The following CYS1 variants were observed in gnomAD, a reference collection of about 807,000 sequenced individuals.
The protein encoded by CYS1 is cystin 1.
Under a neutral mutation model 9.6 loss-of-function variants are expected in CYS1, and 5 were observed. The ratio of observed to expected loss-of-function variants is 0.52; its 90% confidence interval spans 0.27 to 1.10. The LOEUF (loss-of-function observed/expected upper bound fraction) is 1.10, where lower values mean the gene tolerates loss of function less well. CYS1 is among the 50% of genes least tolerant of loss of function. The pLI, the probability that CYS1 is intolerant of heterozygous loss-of-function variation, is 0.11. For missense variants in CYS1, 221 were observed against 207.9 expected, an observed-to-expected ratio of 1.06 and a Z score of -0.39; for synonymous variants, 88 against 95.7, an observed-to-expected ratio of 0.92 and a Z score of 0.47.
At position 10,065,997 on chromosome 2, in the gene CYS1, AC is replaced by A; in HGVS notation, c.319-42del. The A allele has an allele frequency of 3.1e-6, 5 of 1,611,650 alleles. No homozygotes were observed. In the South Asian group the frequency reaches 4.4e-5, roughly 14 times the overall value. On this transcript the variant is annotated intron_variant, in intron 1 of 2. Transcript: ENST00000381813. Reference sequence around the variant, plus strand: ...ATGAAGAGACATTCAAAGATTGTCAACAGTGCAGCCTGCCTAAGGCTTTGGC... The same window carrying A: ...ATGAAGAGACATTCAAAGATTGTCAAAGTGCAGCCTGCCTAAGGCTTTGGC...
chr2:10,064,207 G>C (rs1031587976), intron 2 of CYS1, among the ~76,000 whole-genome samples: 3 of 151,886 alleles, frequency 2.0e-5, no homozygotes, highest in Non-Finnish European at 2.9e-5. Flanking sequence ...TGGATGACAA[G>C]AGCAAAACTC....
At chr2:10,064,590 C>A (rs1661669454) in intron 2 of CYS1, among the ~76,000 whole-genome samples, 1 of 152,142 alleles carries the variant, frequency 6.6e-6, no homozygotes, top group Non-Finnish European at 1.5e-5. Flanking sequence ...ACACTTTAAT[C>A]CTCCCTCCCC....
chr2:10,068,290 G>C (rs540020558), intron 1 of CYS1, among the ~76,000 whole-genome samples: 20 of 152,280 alleles, frequency 1.3e-4, no homozygotes, highest in African/African-American at 4.6e-4. Context: ...GGTGATCCTA[G>C]TAACTAAGAT....
At chr2:10,062,559 C>A (rs1349607878) in intron 2 of CYS1, among the ~76,000 whole-genome samples, 1 of 152,152 alleles carries the variant, frequency 6.6e-6, no homozygotes, top group Non-Finnish European at 1.5e-5. Context: ...TGCCACCACT[C>A]CCGACTAATT....
chr2:10,076,626 G>A lies in CYS1; in HGVS notation c.318+3280C>T, dbSNP rs990677263. Among the ~76,000 whole-genome samples the A allele has an allele frequency of 1.3e-5, 2 of 152,236 alleles. No homozygotes were observed. Among genetic ancestry groups the A allele is most frequent in the East Asian group, 3.9e-4 (2 of 5,180 alleles). ...TAAGCACCTTCCTCCCTTGGCTTCC[G>A]GATGTTCTCTTGGTTTTCTCCCCTT... On this transcript the variant is annotated intron_variant, in intron 1 of 2. Transcript: ENST00000381813. The surrounding 1 kb of genome is among the most constrained non-coding windows in gnomAD (Gnocchi z 4.3).
In CYS1 at chr2:10,063,607, G is replaced by A. The variant is rs565200576; in HGVS notation, c.371+2297C>T. Among the ~76,000 whole-genome samples the A allele has an allele frequency of 6.6e-6, 1 of 152,264 alleles. No individual in the cohort carries two copies. Among genetic ancestry groups the A allele is most frequent in the African/African-American group, 2.4e-5 (1 of 41,546 alleles). On this transcript the variant is annotated intron_variant, in intron 2 of 2. Coordinates refer to ENST00000381813, the MANE Select transcript of CYS1 (RefSeq NM_001037160.3). The surrounding 1 kb of genome is among the most constrained non-coding windows in gnomAD (Gnocchi z 4.2). The stretch of plus-strand genomic sequence containing the variant: ...CCATTGGAAGGACCCTGCCTGGGAG[G>A]GTGAGGGTGACACTGGAGGGAGGAG...
intron 1 of CYS1, among the ~76,000 whole-genome samples, chr2:10,071,482 T>G (rs986262960): frequency 2.6e-5 from 4 of 152,228 alleles, no homozygotes; most frequent in African/African-American, 9.6e-5. Flanking sequence ...TGCCATCCAG[T>G]GCGTGAACGG....
Position 10,063,942 on chromosome 2 carries a change from G to T in CYS1, c.371+1962C>A, listed in dbSNP as rs1661661377. On this transcript the variant is annotated intron_variant, in intron 2 of 2. Coordinates refer to ENST00000381813, the MANE Select transcript of CYS1 (RefSeq NM_001037160.3). The surrounding 1 kb of genome is among the most constrained non-coding windows in gnomAD (Gnocchi z 4.2). ...CCATTAAAGTATACTGAATGAAAAG[G>T]CTGGGTGCAGTGGCTCACGCCCATA... Among the ~76,000 whole-genome samples, 1 of 152,238 alleles carries T rather than the reference G, an allele frequency of 6.6e-6. No homozygotes were observed. The highest frequency in any genetic ancestry group is 1.5e-5 in the Non-Finnish European group (1 of 68,046).
Position 10,064,838 on chromosome 2 carries a change from C to G in CYS1, c.371+1066G>C, listed in dbSNP as rs182002630. Among the ~76,000 whole-genome samples the G allele has an allele frequency of 8.5e-3, 1,298 of 151,952 alleles. 23 individuals carry two copies. Among genetic ancestry groups the G allele is most frequent in the African/African-American group, 0.03 (1,249 of 41,484 alleles). ...GTTCAAGTGATTCTCCTGCCTTAGC[C>G]CCCGGAGTAGCTGGGATTACAGGTG... On this transcript the variant is annotated intron_variant, in intron 2 of 2. Transcript: ENST00000381813.
At chr2:10,065,643 G>T (rs1177834741) in intron 2 of CYS1, among the ~76,000 whole-genome samples, 3 of 152,248 alleles carry the variant, frequency 2.0e-5, no homozygotes. Context: ...AATAGGAAAT[G>T]GGTTGGGCAT....
Position 10,064,080 on chromosome 2 carries a change from G to A in CYS1, c.371+1824C>T, listed in dbSNP as rs77045804. Among the ~76,000 whole-genome samples, 479 of 152,112 alleles carry A rather than the reference G, an allele frequency of 3.1e-3. 2 individuals carry two copies. The highest frequency in any genetic ancestry group is 0.011 in the African/African-American group (445 of 41,500). On this transcript the variant is annotated intron_variant, in intron 2 of 2. Transcript: ENST00000381813. ...TCTACAAAAAATACAAAAATTAGCC[G>A]GACAGGGTGGCTCGTGCCTGTAATC...
chr2:10,078,852 AT>A (rs1157731958), intron 1 of CYS1, among the ~76,000 whole-genome samples: 1 of 152,238 alleles, frequency 6.6e-6, no homozygotes, highest in Non-Finnish European at 1.5e-5. Context: ...ATATCAGCAA[AT>A]CAGAGGGCAC....
intron 1 of CYS1, among the ~76,000 whole-genome samples, chr2:10,068,307 T>C (rs139879773): frequency 5.8e-4 from 88 of 152,338 alleles, no homozygotes; most frequent in African/African-American, 2.1e-3. Flanking sequence ...AGATCTTCAT[T>C]GGTATATTTT....
chr2:10,058,561 T>A lies in CYS1; in HGVS notation c.*292A>T, dbSNP rs117376023. 6.0e-6 allele frequency: 2 copies of A among 334,540 alleles called. No individual in the cohort carries two copies. The highest frequency in any genetic ancestry group is 9.5e-5 in the East Asian group (2 of 21,158). 20.7% of individuals were successfully genotyped at this position (334,540 alleles called of 1,614,324 possible). A position where few individuals can be genotyped will look rare whatever the true frequency, so the allele number is the denominator to read the frequency against. On this transcript the variant is annotated 3_prime_UTR_variant, in exon 3 of 3. Coordinates refer to ENST00000381813, the MANE Select transcript of CYS1 (RefSeq NM_001037160.3). The stretch of plus-strand genomic sequence containing the variant: ...GCGGGCAACCAAGAGGGGCACGCAT[T>A]TCAGGCTCCAGAAGAACTGGGCAGG...
At chr2:10,059,045 T>C in intron 2 of CYS1, 87 bp from the exon 3 acceptor site, 3 of 1,281,110 alleles carry the variant, frequency 2.3e-6, no homozygotes, top group Non-Finnish European at 3.3e-6. Context: ...TGGCTCCTAG[T>C]GGGCCCATCC....
At chr2:10,074,776 G>A (rs1661819693) in intron 1 of CYS1, among the ~76,000 whole-genome samples, 1 of 152,114 alleles carries the variant, frequency 6.6e-6, no homozygotes, top group South Asian at 2.1e-4. Context: ...TCTGCTCTCC[G>A]ACATCACCTG....
chr2:10,078,752 G>A (rs1661896292), intron 1 of CYS1, among the ~76,000 whole-genome samples: 1 of 152,176 alleles, frequency 6.6e-6, no homozygotes, highest in Non-Finnish European at 1.5e-5. Flanking sequence ...GCTATGCTGT[G>A]TGGCCTCATC....
chr2:10,079,853 C>T, intron 1 of CYS1, 53 bp downstream of exon 1: 1 of 1,034,422 alleles, frequency 9.7e-7, no homozygotes, highest in Non-Finnish European at 1.2e-6. Flanking sequence ...GGACGCGCGG[C>T]CGGTGAGTGG....
chr2:10,062,188 G>T (rs1425847240), intron 2 of CYS1, among the ~76,000 whole-genome samples: 1 of 151,394 alleles, frequency 6.6e-6, no homozygotes, highest in East Asian at 2.0e-4. Flanking sequence ...TGGTACTTTT[G>T]TGGAGACGAG....
Sources: gnomAD v4.1 joint callset for allele counts (sites outside exome capture counted in the v4.1 genomes callset) on GRCh38, gnomAD v4.1.1 for gene constraint, Gnocchi (gnomAD v3.1) non-coding constraint, MANE v1.5 for transcripts, NCBI Gene and HGNC (gene_info 2026-07-23, HGNC 2026-07-21) for gene names.